Variants in WDFY1 observed in about 807,000 individuals in gnomAD.
WDFY1 encodes WD repeat and FYVE domain containing 1, also known as WD repeat and FYVE domain-containing protein 1.
A neutral mutation model predicts 56.4 loss-of-function variants in WDFY1; 32 were observed. The observed-to-expected ratio is 0.57, with a 90% confidence interval of 0.43 to 0.76. WDFY1 has a LOEUF of 0.76. Among genes scored for constraint, WDFY1 ranks in the 30% least tolerant of loss-of-function variants. The probability of loss-of-function intolerance (pLI) is 0.00; values close to 1 mark genes in which losing one functional copy is unlikely to be tolerated. For synonymous variants in WDFY1, 192 were observed against 197.3 expected (o/e 0.97, Z 0.23); for missense variants, 480 against 545.7 (o/e 0.88, Z 1.20).
intron 4 of WDFY1, among the ~76,000 whole-genome samples, chr2:223,901,953 T>A (rs776984953): frequency 1.3e-5 from 2 of 152,242 alleles, no homozygotes; most frequent in Non-Finnish European, 2.9e-5. Flanking sequence ...TTCTGTCTGT[T>A]ACCTAACTCT....
chr2:223,889,825 C>T (rs1693237745), intron 8 of WDFY1, among the ~76,000 whole-genome samples: 1 of 152,216 alleles, frequency 6.6e-6, no homozygotes, highest in Non-Finnish European at 1.5e-5. Flanking sequence ...TACTACGTGG[C>T]ATACAATAAG....
chr2:223,897,989 T>C (rs1301320296), intron 6 of WDFY1, among the ~76,000 whole-genome samples: 1 of 152,168 alleles, frequency 6.6e-6, no homozygotes, highest in African/African-American at 2.4e-5. Context: ...ACGAACCAAT[T>C]AAACCTCTTT....
intron 1 of WDFY1, among the ~76,000 whole-genome samples, chr2:223,920,685 G>A (rs1317542251): frequency 6.6e-6 from 1 of 152,234 alleles, no homozygotes; most frequent in Non-Finnish European, 1.5e-5. Flanking sequence ...GGCATGGCTG[G>A]TGCACGATCC....
At chr2:223,916,059 G>A (rs1165702295) in intron 2 of WDFY1, among the ~76,000 whole-genome samples, 1 of 152,180 alleles carries the variant, frequency 6.6e-6, no homozygotes, top group Non-Finnish European at 1.5e-5. Flanking sequence ...AATGTCTTAT[G>A]TATTATAAGC....
intron 1 of WDFY1, among the ~76,000 whole-genome samples, chr2:223,938,856 ATTTTT>A (rs10626915): frequency 1.4e-5 from 2 of 140,494 alleles, no homozygotes; most frequent in African/African-American, 2.6e-5. Flanking sequence ...TGTAAGCAGT[ATTTTT>A]TTTTTTTTTT....
intron 8 of WDFY1, among the ~76,000 whole-genome samples, chr2:223,891,375 T>A (rs1693273371): frequency 1.4e-3 from 2 of 1,410 alleles, no homozygotes; most frequent in Admixed American, 0.011. Flanking sequence ...AGAGCTAGAC[T>A]CCGTCTCAAA....
chr2:223,923,519 T>C lies in WDFY1; in HGVS notation c.138-5509A>G, dbSNP rs1266650257. 6.6e-5 allele frequency among the ~76,000 whole-genome samples: 10 copies of C among 152,296 alleles called. No homozygotes were observed. In the East Asian group the frequency reaches 1.2e-3, roughly 18 times the overall value. ...TTAATAAACTGTAATCCCAGCACTT[T>C]GGGAGGCCGAGGCGGGTGGATCACA... On this transcript the variant is annotated intron_variant, in intron 1 of 11. Coordinates refer to ENST00000233055, the MANE Select transcript of WDFY1 (RefSeq NM_020830.5).
intron 1 of WDFY1, among the ~76,000 whole-genome samples, chr2:223,935,828 G>C (rs1237334258): frequency 1.3e-5 from 2 of 152,146 alleles, no homozygotes; most frequent in African/African-American, 4.8e-5. Flanking sequence ...ATTCAATGGA[G>C]GAGGTGGAAC....
At chr2:223,922,066 G>A (rs112571118) in intron 1 of WDFY1, among the ~76,000 whole-genome samples, 82 of 152,196 alleles carry the variant, frequency 5.4e-4, no homozygotes, top group African/African-American at 1.9e-3. Context: ...CAACCTTAGC[G>A]CCTATGACTC....
At chr2:223,925,816 A>C (rs1215518627) in intron 1 of WDFY1, among the ~76,000 whole-genome samples, 1 of 152,184 alleles carries the variant, frequency 6.6e-6, no homozygotes, top group Non-Finnish European at 1.5e-5. Flanking sequence ...TCAAGAAACC[A>C]CTTTCTTTGC....
chr2:223,882,123 GT>G, intron 9 of WDFY1, 51 bp from the exon 10 acceptor site: 1 of 1,577,956 alleles, frequency 6.3e-7, no homozygotes, highest in Non-Finnish European at 8.6e-7. Flanking sequence ...TTCGCTTTTT[GT>G]TTTGTTTTGA....
chr2:223,914,552 C>T (rs1462833064), intron 2 of WDFY1, among the ~76,000 whole-genome samples: 1 of 152,118 alleles, frequency 6.6e-6, no homozygotes, highest in African/African-American at 2.4e-5. Context: ...TGAGTAAGTG[C>T]CACAGAGATT....
intron 11 of WDFY1, 58 bp downstream of exon 11, chr2:223,880,066 C>G: frequency 7.0e-7 from 1 of 1,426,724 alleles, no homozygotes; most frequent in South Asian, 1.2e-5. Context: ...CCTGCACATT[C>G]ACAGCATGGT....
At chr2:223,925,659 T>C (rs1693967427) in intron 1 of WDFY1, among the ~76,000 whole-genome samples, 1 of 152,232 alleles carries the variant, frequency 6.6e-6, no homozygotes, top group Non-Finnish European at 1.5e-5. Context: ...TAATAGCATT[T>C]TACCCATAAT....
At chr2:223,933,692 C>T in intron 1 of WDFY1, among the ~76,000 whole-genome samples, 1 of 151,870 alleles carries the variant, frequency 6.6e-6, no homozygotes, top group Non-Finnish European at 1.5e-5. Flanking sequence ...CATGGTGGCA[C>T]ACGTCTGTTA....
chr2:223,915,420 C>G (rs889690706), intron 2 of WDFY1, among the ~76,000 whole-genome samples: 5 of 152,210 alleles, frequency 3.3e-5, no homozygotes, highest in African/African-American at 1.2e-4. Flanking sequence ...ATTTCTACTG[C>G]TAGGTTTTGG....
At chr2:223,922,572 C>G (rs191536656) in intron 1 of WDFY1, among the ~76,000 whole-genome samples, 14 of 152,340 alleles carry the variant, frequency 9.2e-5, no homozygotes, top group African/African-American at 3.4e-4. Flanking sequence ...AACCTGCCAG[C>G]TGCCTGTGTG....
intron 8 of WDFY1, among the ~76,000 whole-genome samples, chr2:223,887,453 G>T (rs1274363107): frequency 6.6e-6 from 1 of 152,166 alleles, no homozygotes; most frequent in African/African-American, 2.4e-5. Flanking sequence ...CAGACTAATA[G>T]ATGAAAGTTT....
At position 223,882,055 on chromosome 2, in the gene WDFY1, G is replaced by T. The variant is rs143771492; in HGVS notation, c.951C>A (p.Cys317Ter). ...LGLRQHHCRK[C>*]GQAVCGKCSS... ...TGCACTTCCCGCAGACAGCCTGCCC[G>T]CATTTCCTGCAGTGATGCTTCACAG... The change falls in exon 10 of 12, where the codon TGC becomes TGA. Residue 317 changes from cysteine to a stop codon, truncating the protein, a stop_gained. Transcript: ENST00000233055. LOFTEE classifies it high-confidence loss of function. 1 of 1,613,392 alleles carries T rather than the reference G, an allele frequency of 6.2e-7. No homozygotes were observed. The highest frequency in any genetic ancestry group is 1.1e-5 in the South Asian group (1 of 91,062).
Sources: allele counts gnomAD v4.1 joint callset (sites outside exome capture counted in the v4.1 genomes callset), GRCh38; gene constraint gnomAD v4.1.1; transcripts MANE v1.5; gene names NCBI Gene and HGNC (gene_info 2026-07-23, HGNC 2026-07-21).